Variants in AMMECR1 observed in about 807,000 individuals in gnomAD.
The protein encoded by AMMECR1 is nuclear protein AMMECR1.
AMMECR1 carries 3 observed loss-of-function variants against 22.5 expected under a neutral mutation model. The observed-to-expected ratio is 0.13, with a 90% CI of 0.06 to 0.35. The LOEUF (loss-of-function observed/expected upper bound fraction) is 0.35. AMMECR1 is among the 10% of genes least tolerant of loss of function. AMMECR1 has a pLI of 1.00. For synonymous variants in AMMECR1, 130 were observed against 116.7 expected, an observed-to-expected ratio of 1.11 and a Z score of -0.74; for missense variants, 235 against 278.7, an observed-to-expected ratio of 0.84 and a Z score of 1.12.
chrX:110,434,402 C>A (rs910436177), intron 1 of AMMECR1, among the ~76,000 whole-genome samples: 10 of 111,429 alleles, frequency 9.0e-5, no homozygotes, highest in Admixed American at 3.8e-4. Flanking sequence ...TGCATGCGGA[C>A]CAATTGGGAG....
chrX:110,336,071 T>C (rs1311144686), intron 2 of AMMECR1, among the ~76,000 whole-genome samples: 1 of 111,694 alleles, frequency 9.0e-6, no homozygotes, highest in African/African-American at 3.3e-5. Context: ...AGGAGGTTGC[T>C]CTCTTGGAAG....
chrX:110,205,190 A>G (rs2067416235), intron 3 of AMMECR1, among the ~76,000 whole-genome samples: 1 of 111,808 alleles, frequency 8.9e-6, no homozygotes, highest in Non-Finnish European at 1.9e-5. Context: ...CTTTACTCCT[A>G]GAACCACAAG....
intron 1 of AMMECR1, among the ~76,000 whole-genome samples, chrX:110,295,063 C>T (rs190778940): frequency 1.8e-3 from 201 of 110,641 alleles, no homozygotes; most frequent in Middle Eastern, 9.3e-3. Flanking sequence ...ATTGATGTGC[C>T]ATAATTATTT....
At chrX:110,280,708 T>G (rs1282237890) in intron 1 of AMMECR1, among the ~76,000 whole-genome samples, 1 of 112,010 alleles carries the variant, frequency 8.9e-6, no homozygotes, top group African/African-American at 3.2e-5. Flanking sequence ...ACACTCTTTC[T>G]ATGGAAATAT....
intron 2 of AMMECR1, among the ~76,000 whole-genome samples, chrX:110,395,812 A>T (rs894433531): frequency 9.1e-6 from 1 of 110,436 alleles, no homozygotes; most frequent in Non-Finnish European, 1.9e-5. Flanking sequence ...TGCAGCCCAC[A>T]CCAGCAGTCA....
At chrX:110,360,214 C>T (rs1326438751) in intron 2 of AMMECR1, among the ~76,000 whole-genome samples, 1 of 111,007 alleles carries the variant, frequency 9.0e-6, no homozygotes, top group African/African-American at 3.3e-5. Flanking sequence ...GTCTAAAGAC[C>T]ACTGACAAGC....
At chrX:110,221,792 TG>T (rs1191814157) in intron 2 of AMMECR1, among the ~76,000 whole-genome samples, 20 of 111,226 alleles carry the variant, frequency 1.8e-4, no homozygotes, top group African/African-American at 6.5e-4. Flanking sequence ...GCAAAGGATA[TG>T]AACAGACACT....
At chrX:110,399,289 T>C (rs763772610) in intron 2 of AMMECR1, among the ~76,000 whole-genome samples, 1 of 112,398 alleles carries the variant, frequency 8.9e-6, no homozygotes, top group Non-Finnish European at 1.9e-5. Flanking sequence ...TGCAGAAGCC[T>C]AGGCTCAGTG....
At chrX:110,393,757 G>A (rs965299413) in intron 2 of AMMECR1, among the ~76,000 whole-genome samples, 1 of 112,316 alleles carries the variant, frequency 8.9e-6, no homozygotes, top group Admixed American at 9.4e-5. Flanking sequence ...GTTTTCCCCA[G>A]GGCCACTGTC....
At chrX:110,272,423 G>A (rs1388459419) in intron 1 of AMMECR1, among the ~76,000 whole-genome samples, 1 of 111,291 alleles carries the variant, frequency 9.0e-6, no homozygotes, top group African/African-American at 3.3e-5. Context: ...ACTTTGTTTT[G>A]GTATTTCCAT....
chrX:110,219,408 T>C (rs1344569633), intron 2 of AMMECR1: 1 of 751,211 alleles, frequency 1.3e-6, no homozygotes, highest in African/African-American at 2.3e-5. Context: ...CTGAAGTCGC[T>C]ATACAGTTAA....
intron 2 of AMMECR1, among the ~76,000 whole-genome samples, chrX:110,389,043 A>T (rs1158773233): frequency 8.9e-6 from 1 of 112,137 alleles, no homozygotes; most frequent in East Asian, 2.8e-4. Context: ...TGCACTGTGG[A>T]ACCCTAGAAG....
rs1321381919 is a variant in AMMECR1, at chrX:110,378,337, T to C, written c.-148+48321A>G. 3.6e-5 allele frequency among the ~76,000 whole-genome samples: 4 copies of C among 111,429 alleles called. No individual in the cohort carries two copies. In the East Asian group the frequency reaches 1.1e-3, roughly 31 times the overall value. ...GGCAGTACCCTAGTTCAGTTCTTCA[T>C]CTACTCTCTCCTTGACTGTTGCGAT... On this transcript the variant is annotated intron_variant, in intron 2 of 7. Coordinates refer to the AMMECR1 transcript ENST00000372057.
At chrX:110,266,063 T>C (rs773489289) in intron 1 of AMMECR1, among the ~76,000 whole-genome samples, 9 of 109,750 alleles carry the variant, frequency 8.2e-5, no homozygotes, top group African/African-American at 2.7e-4. Flanking sequence ...AAGTGAAGGA[T>C]GACCTACACT....
chrX:110,427,757 C>T (rs1166703903), intron 1 of AMMECR1, among the ~76,000 whole-genome samples: 1 of 112,210 alleles, frequency 8.9e-6, no homozygotes, highest in African/African-American at 3.2e-5. Context: ...GTCATAACCA[C>T]CCCCAACACT....
intron 2 of AMMECR1, among the ~76,000 whole-genome samples, chrX:110,226,668 C>T (rs991467239): frequency 4.5e-5 from 5 of 111,495 alleles, no homozygotes; most frequent in African/African-American, 1.3e-4. Context: ...GAAATTAGGA[C>T]CGCCTGCCTC....
At chrX:110,298,099 CAT>C (rs2067946987) in intron 1 of AMMECR1, among the ~76,000 whole-genome samples, 1 of 110,908 alleles carries the variant, frequency 9.0e-6, no homozygotes. Context: ...AATAAAAGAA[CAT>C]GAGAGACTAT....
chrX:110,318,267 T>C (rs2068063735), upstream of AMMECR1: 1 of 138,497 alleles, frequency 7.2e-6, no homozygotes, highest in African/African-American at 3.2e-5. Flanking sequence ...CGCTCCTCGC[T>C]TTCGCGGCTG....
intron 2 of AMMECR1, among the ~76,000 whole-genome samples, chrX:110,331,097 T>G (rs2068119103): frequency 9.2e-6 from 1 of 109,032 alleles, no homozygotes; most frequent in African/African-American, 3.3e-5. Context: ...GTTTCTCTAA[T>G]AGCCCTCATC....
Sources: allele counts gnomAD v4.1 joint callset (sites outside exome capture counted in the v4.1 genomes callset), GRCh38; gene constraint gnomAD v4.1.1; transcripts MANE v1.5; gene names NCBI Gene and HGNC (gene_info 2026-07-23, HGNC 2026-07-21).